The following SETD3 variants were observed in gnomAD, a reference collection of about 807,000 sequenced individuals.
SETD3 encodes SET domain containing 3, actin N3(tau)-histidine methyltransferase.
A neutral mutation model predicts 63.0 loss-of-function variants in SETD3; 19 were observed. That is an observed-to-expected ratio of 0.30 (90% CI 0.21 to 0.44). The LOEUF (loss-of-function observed/expected upper bound fraction) is 0.44. Ranked by LOEUF, SETD3 falls within the 20% of genes least tolerant of loss-of-function variation. SETD3 has a pLI of 1.00. For synonymous variants in SETD3, 286 were observed against 264.1 expected, an observed-to-expected ratio of 1.08 and a Z score of -0.80; for missense variants, 587 against 728.5, an observed-to-expected ratio of 0.81 and a Z score of 2.24.
At chr14:99,435,038 T>C (rs990372181) in intron 6 of SETD3, among the ~76,000 whole-genome samples, 3 of 152,086 alleles carry the variant, frequency 2.0e-5, no homozygotes, top group Admixed American at 6.5e-5. Context: ...TTTTATTCTA[T>C]TAATACCAGC....
chr14:99,411,967 C>T (rs1035612840), intron 8 of SETD3: 1 of 152,202 alleles, frequency 6.6e-6, no homozygotes, highest in South Asian at 2.1e-4. Flanking sequence ...CAGTGTCTGG[C>T]GCACACTACG....
intron 6 of SETD3, among the ~76,000 whole-genome samples, chr14:99,454,324 GGAC>G (rs1441261280): frequency 6.6e-6 from 1 of 152,002 alleles, no homozygotes; most frequent in Non-Finnish European, 1.5e-5. Flanking sequence ...CGAGTAGCTG[GGAC>G]GACAGGTGTA....
chr14:99,472,116 T>G (rs1236679422), intron 1 of SETD3, among the ~76,000 whole-genome samples: 3 of 152,242 alleles, frequency 2.0e-5, no homozygotes, highest in Non-Finnish European at 4.4e-5. Flanking sequence ...CTATACTATG[T>G]TCGCTGTTGC....
chr14:99,433,630 G>C (rs1374891026), intron 6 of SETD3, among the ~76,000 whole-genome samples: 2 of 151,900 alleles, frequency 1.3e-5, no homozygotes, highest in African/African-American at 4.8e-5. Context: ...GTAGAGACAG[G>C]GTTTTACCAT....
rs1388658858 is a variant in SETD3, at chr14:99,441,529, CAA to C, written c.675+16748_675+16749del. On this transcript the variant is annotated intron_variant, in intron 6 of 12. Transcript: ENST00000331768. ...GCAATCACAGGCAGCGACACATCTG[CAA>C]GAGGACAAAACCGCACGCTAGCACA... Among the ~76,000 whole-genome samples, 7 of 152,362 alleles carry C rather than the reference CAA, an allele frequency of 4.6e-5. 1 individual carries two copies. In the East Asian group the frequency reaches 1.3e-3, roughly 29 times the overall value.
chr14:99,467,666 C>T (rs557165797), intron 1 of SETD3, among the ~76,000 whole-genome samples: 2 of 152,356 alleles, frequency 1.3e-5, no homozygotes, highest in African/African-American at 4.8e-5. Context: ...CCTCTCCCTT[C>T]AGCCTTGCCT....
chr14:99,484,966 A>G (rs1250358367), upstream of SETD3, among the ~76,000 whole-genome samples: 2 of 152,242 alleles, frequency 1.3e-5, no homozygotes, highest in Non-Finnish European at 2.9e-5. Flanking sequence ...TGCAGAGTTC[A>G]TAAATCTCAG....
At chr14:99,425,977 T>TTG (rs1402078843) in intron 6 of SETD3, among the ~76,000 whole-genome samples, 7 of 152,208 alleles carry the variant, frequency 4.6e-5, no homozygotes, top group Admixed American at 2.0e-4. Context: ...AAACAAGCTG[T>TTG]TGTATTAACC....
At chr14:99,427,657 C>G (rs2139681490) in intron 6 of SETD3, among the ~76,000 whole-genome samples, 1 of 152,328 alleles carries the variant, frequency 6.6e-6, no homozygotes, top group African/African-American at 2.4e-5. Flanking sequence ...AGCTTCCCAG[C>G]AAAGCTTCGT....
chr14:99,455,175 A>T (rs1894687088), intron 6 of SETD3, among the ~76,000 whole-genome samples: 1 of 152,140 alleles, frequency 6.6e-6, no homozygotes, highest in African/African-American at 2.4e-5. Flanking sequence ...AGCTGTTTCA[A>T]CTCTTCCTAA....
intron 3 of SETD3, among the ~76,000 whole-genome samples, chr14:99,463,154 C>T (rs1895168682): frequency 6.6e-6 from 1 of 152,202 alleles, no homozygotes; most frequent in Admixed American, 6.5e-5. Context: ...TGACGATATA[C>T]ACTATATGCA....
At chr14:99,449,599 C>T (rs1894340407) in intron 6 of SETD3, among the ~76,000 whole-genome samples, 1 of 152,094 alleles carries the variant, frequency 6.6e-6, no homozygotes, top group Non-Finnish European at 1.5e-5. Context: ...AAGGAGAGAC[C>T]AAGGAACTAT....
At chr14:99,460,074 T>C (rs927706710) in intron 4 of SETD3, among the ~76,000 whole-genome samples, 4 of 152,244 alleles carry the variant, frequency 2.6e-5, no homozygotes, top group Non-Finnish European at 5.9e-5. Flanking sequence ...ATGTGGCATC[T>C]TGCTTTCACC....
intron 6 of SETD3, among the ~76,000 whole-genome samples, chr14:99,423,047 AAG>A (rs1207643972): frequency 6.6e-6 from 1 of 152,132 alleles, no homozygotes; most frequent in Non-Finnish European, 1.5e-5. Context: ...CCCACGCTCA[AAG>A]AGTGTTCAAA....
Position 99,412,981 on chromosome 14 carries a change from T to A in SETD3, c.819A>T (p.Leu273Phe), listed in dbSNP as rs1258363910. The A allele has an allele frequency of 1.2e-6, 2 of 1,613,736 alleles. 1 individual carries two copies. The highest frequency in any genetic ancestry group is 1.7e-6 in the Non-Finnish European group (2 of 1,179,824). The change falls in exon 8 of 13, where the codon TTA becomes TTT. Residue 273 changes from leucine to phenylalanine, a missense_variant. Physicochemically the swap from Leu to Phe is conservative, Grantham distance 22. Transcript: ENST00000331768. ...CGTTGGTGTGGTTACACATATCCCATAAAGGAATCAGAGCCAGGGTCACGC... is the reference window on the plus strand; with the variant it reads ...CGTTGGTGTGGTTACACATATCCCAAAAAGGAATCAGAGCCAGGGTCACGC... Reference protein sequence around the residue: ...GSRVTLALIPLWDMCNHTNGL... With the variant: ...GSRVTLALIPFWDMCNHTNGL...
intron 3 of SETD3, among the ~76,000 whole-genome samples, chr14:99,461,973 C>T (rs926006470): frequency 6.6e-6 from 1 of 152,082 alleles, no homozygotes; most frequent in Non-Finnish European, 1.5e-5. Context: ...TCAATTACAA[C>T]CATATATTTT....
chr14:99,477,784 T>G (rs748142602), intron 1 of SETD3, among the ~76,000 whole-genome samples: 10 of 150,716 alleles, frequency 6.6e-5, no homozygotes, highest in Admixed American at 2.6e-4. Flanking sequence ...AACTTCTTTG[T>G]AATAGGAAAA....
intron 1 of SETD3, among the ~76,000 whole-genome samples, chr14:99,468,897 C>T (rs1029405856): frequency 6.6e-6 from 1 of 152,172 alleles, no homozygotes; most frequent in Non-Finnish European, 1.5e-5. Context: ...GGCCTCAACA[C>T]ATGGCAGGTG....
rs1434545283 is a variant in SETD3 at position 99,398,573 on chromosome 14, C to G, written c.*106G>C. On this transcript the variant is annotated 3_prime_UTR_variant, in exon 13 of 13. Coordinates refer to ENST00000331768, the MANE Select transcript of SETD3 (RefSeq NM_032233.3). Reference sequence around the variant, plus strand: ...TTTATATAAAGCAGCAAAAACATATCTTCCTCTCTGCAGAAAGAAAAATGT... The same window carrying G: ...TTTATATAAAGCAGCAAAAACATATGTTCCTCTCTGCAGAAAGAAAAATGT... 3 of 1,087,282 alleles carry G rather than the reference C, an allele frequency of 2.8e-6. No homozygotes were observed. The highest frequency in any genetic ancestry group is 4.0e-6 in the Non-Finnish European group (3 of 757,170). The allele number at this position is 1,087,282 out of a possible 1,614,324, so 67.4% of individuals were successfully genotyped here. A position where few individuals can be genotyped will look rare whatever the true frequency, so the allele number is the denominator to read the frequency against.
Sources: gnomAD v4.1 joint callset for allele counts (sites outside exome capture counted in the v4.1 genomes callset) on GRCh38, gnomAD v4.1.1 for gene constraint, MANE v1.5 for transcripts, NCBI Gene and HGNC (gene_info 2026-07-23, HGNC 2026-07-21) for gene names.